Variants in PTPRD observed in about 807,000 individuals in gnomAD.
PTPRD encodes receptor-type tyrosine-protein phosphatase delta.
PTPRD carries 34 observed loss-of-function variants against 214.5 expected under a neutral mutation model. The ratio of observed to expected loss-of-function variants is 0.16; its 90% CI spans 0.12 to 0.21. PTPRD has a LOEUF of 0.21. Among genes scored for constraint, PTPRD ranks in the 10% least tolerant of loss-of-function variants. PTPRD has a pLI of 1.00. For missense variants in PTPRD, 2,545 were observed against 2,398.7 expected, an observed-to-expected ratio of 1.06 and a Z score of -1.27; for synonymous variants, 1,128 against 845.7, an observed-to-expected ratio of 1.33 and a Z score of -5.79.
intron 10 of PTPRD, among the ~76,000 whole-genome samples, chr9:9,141,459 A>C (rs1402582394): frequency 1.3e-5 from 2 of 152,014 alleles, no homozygotes; most frequent in Admixed American, 1.3e-4. Flanking sequence ...TTTTATAGAC[A>C]ACCTTATTAG....
intron 11 of PTPRD, among the ~76,000 whole-genome samples, chr9:8,879,107 C>G (rs1385721451): frequency 1.3e-5 from 2 of 152,136 alleles, no homozygotes; most frequent in Non-Finnish European, 2.9e-5. Context: ...AACAGTACAC[C>G]TTTCTGTATT....
chr9:9,304,712 C>G (rs1382535586), intron 9 of PTPRD, among the ~76,000 whole-genome samples: 4 of 151,018 alleles, frequency 2.6e-5, no homozygotes, highest in Non-Finnish European at 4.4e-5. Context: ...ACTATATAAT[C>G]TCTAGATTTT....
intron 10 of PTPRD, among the ~76,000 whole-genome samples, chr9:9,133,769 A>G (rs1417633697): frequency 6.6e-6 from 1 of 152,196 alleles, no homozygotes; most frequent in African/African-American, 2.4e-5. Flanking sequence ...CAGGAGAAAC[A>G]GCACAGGGCT....
chr9:10,196,798 G>C lies in PTPRD; in HGVS notation c.-545+144165C>G, dbSNP rs553106486. Among the ~76,000 whole-genome samples, 5 of 151,776 alleles carry C rather than the reference G, an allele frequency of 3.3e-5. No homozygotes were observed. The South Asian group carries it at 1.0e-3, about 32-fold the overall frequency. On this transcript the variant is annotated intron_variant, in intron 3 of 45. Coordinates refer to ENST00000381196, the MANE Select transcript of PTPRD (RefSeq NM_002839.4). ...ACATGTCAGCATCCTAACCTGTAAA[G>C]TGATAGTGTTCAGAAGTGGGGCTCT...
intron 2 of PTPRD, among the ~76,000 whole-genome samples, chr9:10,347,546 G>T (rs1010863010): frequency 6.6e-6 from 1 of 151,590 alleles, no homozygotes; most frequent in Non-Finnish European, 1.5e-5. Context: ...AAGTAGCTGG[G>T]ATTACAGGTG....
At chr9:10,296,628 T>A (rs985855094) in intron 3 of PTPRD, among the ~76,000 whole-genome samples, 5 of 152,034 alleles carry the variant, frequency 3.3e-5, no homozygotes, top group African/African-American at 1.2e-4. Flanking sequence ...TCATTGGCTG[T>A]CTGTGCAGTG....
At chr9:9,042,492 G>A (rs988511689) in intron 10 of PTPRD, among the ~76,000 whole-genome samples, 2 of 152,066 alleles carry the variant, frequency 1.3e-5, no homozygotes, top group African/African-American at 4.8e-5. Flanking sequence ...TGTCACCAGA[G>A]AAAGGAGAAA....
intron 3 of PTPRD, among the ~76,000 whole-genome samples, chr9:10,072,751 C>G (rs2098051433): frequency 6.6e-6 from 1 of 152,074 alleles, no homozygotes; most frequent in East Asian, 1.9e-4. Flanking sequence ...TTTTACAGAG[C>G]ACTGATTGGT....
intron 2 of PTPRD, among the ~76,000 whole-genome samples, chr9:10,453,943 G>A (rs1472166259): frequency 6.6e-6 from 1 of 151,398 alleles, no homozygotes; most frequent in African/African-American, 2.4e-5. Flanking sequence ...TGTCATATAT[G>A]GCCTTTATCA....
chr9:10,544,196 A>T (rs892909326), intron 2 of PTPRD, among the ~76,000 whole-genome samples: 1 of 152,146 alleles, frequency 6.6e-6, no homozygotes, highest in African/African-American at 2.4e-5. Context: ...ATCTTTATAT[A>T]TCATAAATAT....
intron 5 of PTPRD, among the ~76,000 whole-genome samples, chr9:9,891,238 G>T (rs988955921): frequency 6.6e-6 from 1 of 152,062 alleles, no homozygotes. Flanking sequence ...AGTGGTATGG[G>T]GATGGGGATG....
chr9:8,462,071 C>T (rs2096424583), intron 32 of PTPRD, among the ~76,000 whole-genome samples: 2 of 151,950 alleles, frequency 1.3e-5, no homozygotes, highest in Admixed American at 1.3e-4. Context: ...ATTAATGTTC[C>T]TAAACTCAGA....
intron 10 of PTPRD, among the ~76,000 whole-genome samples, chr9:9,149,636 G>C (rs1423881235): frequency 6.6e-6 from 1 of 152,128 alleles, no homozygotes; most frequent in South Asian, 2.1e-4. Flanking sequence ...AATCCAAGTA[G>C]GTGATAACAA....
intron 11 of PTPRD, among the ~76,000 whole-genome samples, chr9:8,855,864 A>T (rs1219150068): frequency 6.6e-6 from 1 of 152,212 alleles, no homozygotes; most frequent in Non-Finnish European, 1.5e-5. Flanking sequence ...AACTGGACAC[A>T]ATCTGACAGC....
At chr9:8,740,558 T>G (rs1482543442) in intron 11 of PTPRD, among the ~76,000 whole-genome samples, 4 of 152,136 alleles carry the variant, frequency 2.6e-5, no homozygotes, top group African/African-American at 9.7e-5. Flanking sequence ...GTTATTGAAT[T>G]TAATAAAACT....
At chr9:10,117,183 G>T (rs960548746) in intron 3 of PTPRD, among the ~76,000 whole-genome samples, 26 of 152,170 alleles carry the variant, frequency 1.7e-4, no homozygotes, top group African/African-American at 5.3e-4. Flanking sequence ...ACAAAAGAAT[G>T]ATATGTAAAA....
chr9:9,279,996 A>G (rs567114346), intron 9 of PTPRD, among the ~76,000 whole-genome samples: 27 of 151,384 alleles, frequency 1.8e-4, no homozygotes, highest in African/African-American at 6.0e-4. Flanking sequence ...TTCTATATTG[A>G]TAGGTTATTG....
chr9:9,577,424 G>A (rs1167967857), intron 7 of PTPRD, among the ~76,000 whole-genome samples: 1 of 151,930 alleles, frequency 6.6e-6, no homozygotes, highest in Admixed American at 6.6e-5. Flanking sequence ...AATTAGCCAG[G>A]GGTGGTGGTG....
intron 5 of PTPRD, among the ~76,000 whole-genome samples, chr9:9,887,189 C>CTT (rs2071274616): frequency 6.6e-6 from 1 of 152,070 alleles, no homozygotes; most frequent in Admixed American, 6.6e-5. Flanking sequence ...ATTAGAAAGC[C>CTT]TTCTGTCAAT....
Sources: gnomAD v4.1 joint callset for allele counts (sites outside exome capture counted in the v4.1 genomes callset) on GRCh38, gnomAD v4.1.1 for gene constraint, MANE v1.5 for transcripts, NCBI Gene and HGNC (gene_info 2026-07-23, HGNC 2026-07-21) for gene names.